STPG2: variants seen among roughly 807,000 people sequenced by gnomAD.
STPG2 encodes the protein sperm-tail PG-rich repeat-containing protein 2.
STPG2 carries 56 observed loss-of-function variants against 54.2 expected under a neutral mutation model. That is an observed-to-expected ratio of 1.03 (90% CI 0.83 to 1.29). The LOEUF (loss-of-function observed/expected upper bound fraction) is 1.29, where lower values mean the gene tolerates loss of function less well. Among genes scored for constraint, STPG2 ranks in the 50% most tolerant of loss-of-function variants. The pLI is 0.00. For missense variants in STPG2, 596 were observed against 544.9 expected, an observed-to-expected ratio of 1.09 and a Z score of -0.93; for synonymous variants, 200 against 181.8, an observed-to-expected ratio of 1.10 and a Z score of -0.81.
intron 10 of STPG2, among the ~76,000 whole-genome samples, chr4:97,664,303 T>C (rs1321291107): frequency 1.3e-5 from 2 of 152,196 alleles, no homozygotes; most frequent in Admixed American, 1.3e-4. Context: ...CAATTTAAGA[T>C]TGATTCTGTC....
rs548473164 is a variant in STPG2, at chr4:97,833,680, A to G, written c.1204+7093T>C. On this transcript the variant is annotated intron_variant, in intron 9 of 10. Coordinates refer to ENST00000295268, the MANE Select transcript of STPG2 (RefSeq NM_174952.3). Reference sequence around the variant, plus strand: ...TACAATAAAAAAAAATAACCCCATCAAAAAGTGGGTGAAGGATATAAACAG... The same window carrying G: ...TACAATAAAAAAAAATAACCCCATCGAAAAGTGGGTGAAGGATATAAACAG... Among the ~76,000 whole-genome samples the G allele has an allele frequency of 2.0e-3, 306 of 152,332 alleles. 1 individual carries two copies. The highest frequency in any genetic ancestry group is 3.7e-3 in the Non-Finnish European group (252 of 68,036).
chr4:97,576,253 A>G lies in STPG2; in HGVS notation c.1321-17136T>C, dbSNP rs183443374. Among the ~76,000 whole-genome samples the G allele has an allele frequency of 1.1e-3, 160 of 151,774 alleles. No homozygotes were observed. The East Asian group carries it at 0.029, about 27-fold the overall frequency. On this transcript the variant is annotated intron_variant, in intron 10 of 10. Coordinates refer to ENST00000295268, the MANE Select transcript of STPG2 (RefSeq NM_174952.3). ...CAAGGTCATTTTTCACGGAATTAGA[A>G]AAAAACTATACTAATATATATGGAA...
At chr4:97,999,445 G>A (rs1017863481) in intron 5 of STPG2, among the ~76,000 whole-genome samples, 5 of 151,432 alleles carry the variant, frequency 3.3e-5, no homozygotes, top group African/African-American at 1.2e-4. Flanking sequence ...GCTCATGCCT[G>A]TAATCCCAGC....
chr4:97,689,951 T>G (rs1402606881), intron 10 of STPG2, among the ~76,000 whole-genome samples: 1 of 152,062 alleles, frequency 6.6e-6, no homozygotes, highest in African/African-American at 2.4e-5. Flanking sequence ...GAATTTTCCA[T>G]TTTTCTTTTG....
At chr4:97,904,558 C>T (rs535216593) in intron 8 of STPG2, among the ~76,000 whole-genome samples, 1 of 152,374 alleles carries the variant, frequency 6.6e-6, no homozygotes, top group East Asian at 1.9e-4. Flanking sequence ...GCCTCTCCTC[C>T]TCCAAAGGAA....
At chr4:97,752,405 G>A (rs996764566) in intron 9 of STPG2, among the ~76,000 whole-genome samples, 1 of 151,686 alleles carries the variant, frequency 6.6e-6, no homozygotes, top group Non-Finnish European at 1.5e-5. Context: ...AGCTAGTTTT[G>A]TTAGATTTAG....
At chr4:98,072,202 A>G (rs769912066) in intron 5 of STPG2, among the ~76,000 whole-genome samples, 26 of 152,230 alleles carry the variant, frequency 1.7e-4, no homozygotes, top group Non-Finnish European at 2.9e-4. Flanking sequence ...ACGTTGTTAC[A>G]TATATACCAC....
chr4:97,743,413 G>T (rs1053796364), intron 9 of STPG2, among the ~76,000 whole-genome samples: 1 of 151,584 alleles, frequency 6.6e-6, no homozygotes, highest in Admixed American at 6.6e-5. Flanking sequence ...TAGACTTATT[G>T]TTATTTACAC....
chr4:98,121,720 A>G (rs1170463660), intron 3 of STPG2, among the ~76,000 whole-genome samples: 1 of 150,866 alleles, frequency 6.6e-6, no homozygotes, highest in East Asian at 2.0e-4. Flanking sequence ...AATGCCTGTG[A>G]TTTTTTTTGT....
intron 4 of STPG2, among the ~76,000 whole-genome samples, chr4:97,472,459 G>A (rs1163021080): frequency 6.6e-6 from 1 of 152,182 alleles, no homozygotes; most frequent in Admixed American, 6.6e-5. Context: ...CAACATGTGA[G>A]AGTATTCTGT....
At chr4:97,955,881 C>T (rs1461344725) in intron 7 of STPG2, among the ~76,000 whole-genome samples, 1 of 151,980 alleles carries the variant, frequency 6.6e-6, no homozygotes, top group Non-Finnish European at 1.5e-5. Flanking sequence ...AATCTATACT[C>T]AAAAATAAAT....
intron 9 of STPG2, among the ~76,000 whole-genome samples, chr4:97,755,638 A>G (rs1373017661): frequency 1.3e-5 from 2 of 152,186 alleles, no homozygotes; most frequent in Non-Finnish European, 1.5e-5. Flanking sequence ...TTGTGTGCAT[A>G]CCCAAATTTG....
At chr4:97,953,525 C>T (rs1406320963) in intron 7 of STPG2, among the ~76,000 whole-genome samples, 1 of 152,174 alleles carries the variant, frequency 6.6e-6, no homozygotes, top group Non-Finnish European at 1.5e-5. Context: ...CCTGAGTTAA[C>T]TAGAAGATTT....
chr4:97,478,519 T>C (rs1432421191), intron 4 of STPG2, among the ~76,000 whole-genome samples: 1 of 152,120 alleles, frequency 6.6e-6, no homozygotes, highest in East Asian at 1.9e-4. Flanking sequence ...TAGGGCAGTA[T>C]TTGTTTTTAT....
chr4:98,066,852 T>G (rs745524901), intron 5 of STPG2, among the ~76,000 whole-genome samples: 56 of 152,300 alleles, frequency 3.7e-4, no homozygotes, highest in Non-Finnish European at 6.6e-4. Context: ...AGTGACTGCT[T>G]TATTTATTTA....
At chr4:98,133,647 T>C (rs992606832) in intron 2 of STPG2, among the ~76,000 whole-genome samples, 2 of 152,016 alleles carry the variant, frequency 1.3e-5, no homozygotes, top group African/African-American at 4.8e-5. Context: ...AAAAGAGAAC[T>C]TTCCAAATTT....
At chr4:97,959,260 C>G (rs1196257632) in intron 7 of STPG2, among the ~76,000 whole-genome samples, 1 of 151,706 alleles carries the variant, frequency 6.6e-6, no homozygotes, top group African/African-American at 2.4e-5. Context: ...ATGCCTACAC[C>G]AAAAAGTCTA....
At chr4:97,701,165 C>T (rs938562736) in intron 10 of STPG2, among the ~76,000 whole-genome samples, 2 of 152,100 alleles carry the variant, frequency 1.3e-5, no homozygotes, top group African/African-American at 2.4e-5. Flanking sequence ...GCCTTTCCCA[C>T]CATAGTAGCC....
At chr4:98,036,147 C>A (rs979443767) in intron 5 of STPG2, among the ~76,000 whole-genome samples, 1 of 151,082 alleles carries the variant, frequency 6.6e-6, no homozygotes, top group African/African-American at 2.4e-5. Context: ...GAAAAAAAGT[C>A]AAAAAAATAA....
Sources: allele counts gnomAD v4.1 joint callset (sites outside exome capture counted in the v4.1 genomes callset), GRCh38; gene constraint gnomAD v4.1.1; transcripts MANE v1.5; gene names NCBI Gene and HGNC (gene_info 2026-07-23, HGNC 2026-07-21).